ATXN10: variants seen among roughly 807,000 people sequenced by gnomAD.
ATXN10 encodes the protein ataxin 10.
Under a neutral mutation model 52.9 loss-of-function variants are expected in ATXN10, and 28 were observed. That is an observed-to-expected ratio of 0.53 (90% CI 0.39 to 0.73). ATXN10 has a LOEUF of 0.73. ATXN10 is among the 30% of genes least tolerant of loss of function. The pLI, the probability that ATXN10 is intolerant of heterozygous loss-of-function variation, is 0.00. For missense variants in ATXN10, 565 were observed against 577.0 expected, an observed-to-expected ratio of 0.98 and a Z score of 0.21; for synonymous variants, 226 against 221.5, an observed-to-expected ratio of 1.02 and a Z score of -0.18.
At chr22:45,756,937 G>A (rs542132804) in intron 9 of ATXN10, among the ~76,000 whole-genome samples, 29 of 152,240 alleles carry the variant, frequency 1.9e-4, no homozygotes, top group Non-Finnish European at 3.8e-4. Context: ...AAGAGAGGGA[G>A]TTGGAGTTGA....
In ATXN10 at chr22:45,833,430, C is replaced by T. The variant is rs540387679; in HGVS notation, c.1238-9561C>T. 9.2e-5 allele frequency among the ~76,000 whole-genome samples: 14 copies of T among 152,284 alleles called. No individual in the cohort carries two copies. Among genetic ancestry groups the T allele is most frequent in the South Asian group, 2.1e-4 (1 of 4,824 alleles). ...CTGCTGGGTCTTGTCTGTTCTAAAT[C>T]GCCAGAAGCTCCACCCTGTTCATGT... On this transcript the variant is annotated intron_variant, in intron 10 of 11. Transcript: ENST00000252934. This position sits in a 1 kb window ranked among gnomAD's most constrained non-coding sequence, Gnocchi z 4.3.
intron 9 of ATXN10, among the ~76,000 whole-genome samples, chr22:45,752,267 C>T (rs897745747): frequency 3.3e-5 from 5 of 151,996 alleles, no homozygotes; most frequent in East Asian, 1.9e-4. Flanking sequence ...ACTGTTCTCT[C>T]GAGGAATTCA....
rs894068456 is a variant in ATXN10, at chr22:45,774,716, T to G, written c.1174-32243T>G. 3.3e-5 allele frequency among the ~76,000 whole-genome samples: 5 copies of G among 152,232 alleles called. No individual in the cohort carries two copies. Among genetic ancestry groups the G allele is most frequent in the Admixed American group, 6.5e-5 (1 of 15,290 alleles). On this transcript the variant is annotated intron_variant, in intron 9 of 11. Coordinates refer to ENST00000252934, the MANE Select transcript of ATXN10 (RefSeq NM_013236.4). This position sits in a 1 kb window ranked among gnomAD's most constrained non-coding sequence, Gnocchi z 6.2. ...GGGAGGCTGAGGTGAGCGGATCACTTGAGGCCAGGAGTTTGAGACCAGCCT... is the reference window on the plus strand; with the variant it reads ...GGGAGGCTGAGGTGAGCGGATCACTGGAGGCCAGGAGTTTGAGACCAGCCT...
Position 45,684,139 on chromosome 22 carries a change from T to G in ATXN10, c.117-5573T>G, listed in dbSNP as rs1601586926. Among the ~76,000 whole-genome samples, 1 of 4,616 alleles carries G rather than the reference T, an allele frequency of 2.2e-4. No homozygotes were observed. Among genetic ancestry groups the G allele is most frequent in the Admixed American group, 3.0e-3 (1 of 336 alleles). The allele number at this position is 4,616 out of a possible 152,430, so 3.0% of individuals were successfully genotyped here. A position where few individuals can be genotyped will look rare whatever the true frequency, so the allele number is the denominator to read the frequency against. ...AGCTAATTAAAACAAGTTTTTTTGT[T>G]TTTTTTTTTTTTGTAGAGATAGGGT... On this transcript the variant is annotated intron_variant, in intron 1 of 11. Transcript: ENST00000252934. This position sits in a 1 kb window ranked among gnomAD's most constrained non-coding sequence, Gnocchi z 4.1.
rs1400034638 is a variant in ATXN10, at chr22:45,774,163, C to G, written c.1174-32796C>G. 2.6e-5 allele frequency among the ~76,000 whole-genome samples: 4 copies of G among 152,230 alleles called. No individual in the cohort carries two copies. Among genetic ancestry groups the G allele is most frequent in the Admixed American group, 2.0e-4 (3 of 15,294 alleles). ...AAGTACTGTGACAGCCTGCTAATGTCTGGGGGTGGCCCTGCCTTAGTAGGC... is the reference window on the plus strand; with the variant it reads ...AAGTACTGTGACAGCCTGCTAATGTGTGGGGGTGGCCCTGCCTTAGTAGGC... On this transcript the variant is annotated intron_variant, in intron 9 of 11. Coordinates refer to ENST00000252934, the MANE Select transcript of ATXN10 (RefSeq NM_013236.4). This position sits in a 1 kb window ranked among gnomAD's most constrained non-coding sequence, Gnocchi z 6.2.
In ATXN10 at chr22:45,733,410, T is replaced by G. The variant is rs77796898; in HGVS notation, c.894+3820T>G. On this transcript the variant is annotated intron_variant, in intron 7 of 11. Coordinates refer to ENST00000252934, the MANE Select transcript of ATXN10 (RefSeq NM_013236.4). This position sits in a 1 kb window ranked among gnomAD's most constrained non-coding sequence, Gnocchi z 4.4. ...ATAATGCTTGCTTTGTTGTTAAAAA[T>G]TATTTAAGCTGAAGTCAGTGAAACA... Among the ~76,000 whole-genome samples, 411 of 152,328 alleles carry G rather than the reference T, an allele frequency of 2.7e-3. 1 individual carries two copies. Among genetic ancestry groups the G allele is most frequent in the African/African-American group, 8.3e-3 (343 of 41,568 alleles).
chr22:45,691,765 C>T (rs1053777932), intron 2 of ATXN10, among the ~76,000 whole-genome samples: 3 of 152,290 alleles, frequency 2.0e-5, no homozygotes, highest in East Asian at 3.9e-4. Flanking sequence ...TGGTGGCACA[C>T]ACCTGTAGTC....
rs530678394 is a variant in ATXN10 at position 45,825,733 on chromosome 22, C to G, written c.1238-17258C>G. Among the ~76,000 whole-genome samples the G allele has an allele frequency of 9.2e-5, 14 of 152,264 alleles. No homozygotes were observed. Among genetic ancestry groups the G allele is most frequent in the African/African-American group, 3.4e-4 (14 of 41,534 alleles). On this transcript the variant is annotated intron_variant, in intron 10 of 11. Transcript: ENST00000252934. The surrounding 1 kb of genome is among the most constrained non-coding windows in gnomAD (Gnocchi z 4.5). ...ATCTACTATATTTTAAAACAAGGGT[C>G]TTACTGAAGATGCTCAAGGAACTAA...
intron 9 of ATXN10, among the ~76,000 whole-genome samples, chr22:45,761,873 G>T (rs1402428226): frequency 6.6e-6 from 1 of 152,022 alleles, no homozygotes; most frequent in Non-Finnish European, 1.5e-5. Context: ...AGTGCAGTTG[G>T]GCTGAAACTA....
chr22:45,796,228 C>T (rs1927732828), intron 9 of ATXN10, among the ~76,000 whole-genome samples: 1 of 152,208 alleles, frequency 6.6e-6, no homozygotes, highest in African/African-American at 2.4e-5. Context: ...CTGCAGCGCC[C>T]TCAGGCTTGC....
At position 45,678,782 on chromosome 22, in the gene ATXN10, CAT is replaced by C. The variant is rs1468620705; in HGVS notation, c.116+6604_116+6605del. 3.3e-5 allele frequency: 5 copies of C among 152,314 alleles called. No homozygotes were observed. The highest frequency in any genetic ancestry group is 2.9e-5 in the Non-Finnish European group (2 of 68,036). The allele number at this position is 152,314 out of a possible 1,614,324, so 9.4% of individuals were successfully genotyped here. A position where few individuals can be genotyped will look rare whatever the true frequency, so the allele number is the denominator to read the frequency against. ...AATTCATTCATTGACTCACACCACA[CAT>C]GATACATGTAAGATCTGTGCTTAGT... On this transcript the variant is annotated intron_variant, in intron 1 of 11. Transcript: ENST00000252934. The surrounding 1 kb of genome is among the most constrained non-coding windows in gnomAD (Gnocchi z 4.1).
rs1468132552 is a variant in ATXN10, at chr22:45,837,245, T to G, written c.1238-5746T>G. 1.3e-5 allele frequency among the ~76,000 whole-genome samples: 2 copies of G among 152,106 alleles called. No homozygotes were observed. The highest frequency in any genetic ancestry group is 1.3e-4 in the Admixed American group (2 of 15,284). The stretch of plus-strand genomic sequence containing the variant: ...TGCATATTTTTTCAGTGCCAGTACT[T>G]TTTAAGGTTGGTTTGTTTATTTACT... On this transcript the variant is annotated intron_variant, in intron 10 of 11. Transcript: ENST00000252934. This position sits in a 1 kb window ranked among gnomAD's most constrained non-coding sequence, Gnocchi z 5.8.
chr22:45,831,786 A>T (rs1392470101), intron 10 of ATXN10, among the ~76,000 whole-genome samples: 3 of 152,116 alleles, frequency 2.0e-5, no homozygotes, highest in Non-Finnish European at 4.4e-5. Flanking sequence ...ATATTGAGAG[A>T]TCATTTTGTC....
chr22:45,710,766 C>T (rs144178888), intron 5 of ATXN10, among the ~76,000 whole-genome samples: 291 of 152,316 alleles, frequency 1.9e-3, no homozygotes, highest in Middle Eastern at 6.8e-3. Flanking sequence ...TGACAGAGAC[C>T]ATTTGGCCTG....
rs1167492036 is a variant in ATXN10, at chr22:45,672,165, A to G, written c.102A>G (p.Lys34=). 4.1e-5 allele frequency: 63 copies of G among 1,536,454 alleles called. No homozygotes were observed. The East Asian group carries it at 1.6e-3, about 38-fold the overall frequency. The change falls in exon 1 of 12, where the codon AAA becomes AAG. Residue 34 remains lysine (K), a synonymous_variant. Transcript: ENST00000252934. ...EALRALTALF[K]EQRNRETAPR... Reference sequence around the variant, plus strand: ...TGCGCGCGCTCACGGCGCTCTTCAAAGAGCAGCGGAACCGGTAACGGGTCC... The same window carrying G: ...TGCGCGCGCTCACGGCGCTCTTCAAGGAGCAGCGGAACCGGTAACGGGTCC...
At chr22:45,676,501 G>A (rs1205246435) in intron 1 of ATXN10, 1 of 145,564 alleles carries the variant, frequency 6.9e-6, no homozygotes. Flanking sequence ...TTTTTTTTGA[G>A]ACAGTTTCAC....
chr22:45,831,539 A>G (rs1232601555), intron 10 of ATXN10, among the ~76,000 whole-genome samples: 1 of 152,182 alleles, frequency 6.6e-6, no homozygotes, highest in Non-Finnish European at 1.5e-5. Flanking sequence ...TAACAGTAAT[A>G]TCTGACATTG....
rs1467159741 is a variant in ATXN10, at chr22:45,769,213, G to T, written c.1173+28675G>T. The stretch of plus-strand genomic sequence containing the variant: ...ACCCGAGGTTGAGAGCTCTTGGTGG[G>T]TAGGGGACTCATCATGGAATCTGAA... On this transcript the variant is annotated intron_variant, in intron 9 of 11. Transcript: ENST00000252934. The surrounding 1 kb of genome is among the most constrained non-coding windows in gnomAD (Gnocchi z 4.2). Among the ~76,000 whole-genome samples, 1 of 152,118 alleles carries T rather than the reference G, an allele frequency of 6.6e-6. No individual in the cohort carries two copies. The highest frequency in any genetic ancestry group is 1.5e-5 in the Non-Finnish European group (1 of 68,030).
rs1357450051 is a variant in ATXN10 at position 45,828,254 on chromosome 22, C to A, written c.1238-14737C>A. 6.7e-6 allele frequency among the ~76,000 whole-genome samples: 1 copy of A among 149,616 alleles called. No individual in the cohort carries two copies. Among genetic ancestry groups the A allele is most frequent in the African/African-American group, 2.4e-5 (1 of 40,820 alleles). On this transcript the variant is annotated intron_variant, in intron 10 of 11. Transcript: ENST00000252934. This position sits in a 1 kb window ranked among gnomAD's most constrained non-coding sequence, Gnocchi z 4.5. ...TTAGAGACAAATGAAAATGAAAAGA[C>A]AACATAACAGAACTTATGGGACACA...
Sources: gnomAD v4.1 joint callset for allele counts (sites outside exome capture counted in the v4.1 genomes callset) on GRCh38, gnomAD v4.1.1 for gene constraint, Gnocchi (gnomAD v3.1) non-coding constraint, MANE v1.5 for transcripts, NCBI Gene and HGNC (gene_info 2026-07-23, HGNC 2026-07-21) for gene names.